Variants in CALN1 observed in about 807,000 individuals in gnomAD.
CALN1 encodes the protein calcium-binding protein 8.
CALN1 carries 17 observed loss-of-function variants against 30.6 expected under a neutral mutation model. The ratio of observed to expected loss-of-function variants is 0.56; its 90% confidence interval spans 0.38 to 0.83. The LOEUF (loss-of-function observed/expected upper bound fraction) is 0.83, where lower values mean the gene tolerates loss of function less well. CALN1 is among the 40% of genes least tolerant of loss of function. The probability of loss-of-function intolerance (pLI) is 0.00; values close to 1 mark genes in which losing one functional copy is unlikely to be tolerated. For missense variants in CALN1, 291 were observed against 354.9 expected, an observed-to-expected ratio of 0.82 and a Z score of 1.45; for synonymous variants, 156 against 131.4, an observed-to-expected ratio of 1.19 and a Z score of -1.28.
intron 3 of CALN1, among the ~76,000 whole-genome samples, chr7:72,215,453 G>A (rs1304681928): frequency 6.6e-6 from 1 of 152,008 alleles, no homozygotes; most frequent in Non-Finnish European, 1.5e-5. Flanking sequence ...AATTAGCCAG[G>A]TATGGTGGCG....
intron 1 of CALN1, among the ~76,000 whole-genome samples, chr7:72,445,347 C>A (rs1455471037): frequency 2.0e-5 from 3 of 152,114 alleles, no homozygotes; most frequent in African/African-American, 7.2e-5. Flanking sequence ...AAGGAACTCA[C>A]CCGGCTAACC....
At chr7:72,144,580 C>A (rs1326018967) in intron 3 of CALN1, among the ~76,000 whole-genome samples, 2 of 152,120 alleles carry the variant, frequency 1.3e-5, no homozygotes, top group Non-Finnish European at 2.9e-5. Context: ...AGAAAGTTAA[C>A]AAGGATATCC....
In CALN1 at chr7:71,783,408, G is replaced by A. The variant is rs888971733; in HGVS notation, c.*4367C>T. ...TTGGTGAAATGGTAAAAAATGTAAT[G>A]ACTATGGGCCTTTGGAGAAATAGTG... On this transcript the variant is annotated 3_prime_UTR_variant, in exon 7 of 7. Coordinates refer to ENST00000395275, the MANE Select transcript of CALN1 (RefSeq NM_031468.4). 11 of 152,204 alleles carry A rather than the reference G, an allele frequency of 7.2e-5. No homozygotes were observed. The highest frequency in any genetic ancestry group is 2.2e-4 in the African/African-American group (9 of 41,454). 9.4% of individuals were successfully genotyped at this position (152,204 alleles called of 1,614,324 possible).
At chr7:71,795,793 A>G (rs1421528037) in intron 6 of CALN1, among the ~76,000 whole-genome samples, 2 of 145,334 alleles carry the variant, frequency 1.4e-5, no homozygotes, top group Non-Finnish European at 3.0e-5. Context: ...AGCTGTATGT[A>G]GCATTTACCA....
intron 5 of CALN1, among the ~76,000 whole-genome samples, chr7:71,981,118 G>A (rs956852007): frequency 2.0e-5 from 3 of 152,146 alleles, no homozygotes; most frequent in South Asian, 2.1e-4. Flanking sequence ...ATATATATTA[G>A]TTTTTATCCA....
intron 3 of CALN1, among the ~76,000 whole-genome samples, chr7:72,118,055 G>T (rs528697831): frequency 6.6e-6 from 1 of 152,094 alleles, no homozygotes; most frequent in East Asian, 1.9e-4. Flanking sequence ...AGTGCTCAGG[G>T]CTGGTGGGCC....
At chr7:72,293,963 T>A (rs368749566) in intron 2 of CALN1, among the ~76,000 whole-genome samples, 2 of 152,208 alleles carry the variant, frequency 1.3e-5, no homozygotes, top group East Asian at 3.9e-4. Context: ...CCAGGCATCA[T>A]GGTGCACACC....
At chr7:72,000,455 A>G (rs1799468958) in intron 5 of CALN1, among the ~76,000 whole-genome samples, 1 of 152,124 alleles carries the variant, frequency 6.6e-6, no homozygotes, top group South Asian at 2.1e-4. Context: ...CTGGAAAACC[A>G]CAAACCCCTA....
At chr7:72,171,034 A>G (rs1478496642) in intron 3 of CALN1, among the ~76,000 whole-genome samples, 1 of 152,090 alleles carries the variant, frequency 6.6e-6, no homozygotes, top group Non-Finnish European at 1.5e-5. Context: ...GTGTATGCCT[A>G]TAGTCCCAAC....
At chr7:71,962,738 G>A (rs1338890720) in intron 5 of CALN1, among the ~76,000 whole-genome samples, 1 of 152,166 alleles carries the variant, frequency 6.6e-6, no homozygotes, top group Admixed American at 6.5e-5. Context: ...ATTGCTGAAA[G>A]CTTTAAACCA....
At chr7:72,470,867 G>T in the CALN1 span, among the ~76,000 whole-genome samples, 1 of 152,096 alleles carries the variant, frequency 6.6e-6, no homozygotes, top group Non-Finnish European at 1.5e-5. Flanking sequence ...GAAATTCCCC[G>T]ACATAGGTTG....
At chr7:71,983,731 C>A (rs1279029169) in intron 5 of CALN1, among the ~76,000 whole-genome samples, 1 of 152,078 alleles carries the variant, frequency 6.6e-6, no homozygotes, top group Admixed American at 6.6e-5. Context: ...GGGGTTTCGC[C>A]ATGTTGGCCA....
chr7:72,453,377 G>A, the CALN1 span, among the ~76,000 whole-genome samples: 1 of 152,216 alleles, frequency 6.6e-6, no homozygotes, highest in Non-Finnish European at 1.5e-5. Context: ...AAATTAAGGG[G>A]CAGGCTATTC....
intron 5 of CALN1, among the ~76,000 whole-genome samples, chr7:71,907,860 C>T (rs750400239): frequency 5.9e-5 from 9 of 152,170 alleles, no homozygotes; most frequent in Non-Finnish European, 8.8e-5. Flanking sequence ...ACTTGTCATG[C>T]GCTTATTTTG....
chr7:72,128,278 T>C (rs1808906532), intron 3 of CALN1, among the ~76,000 whole-genome samples: 1 of 152,202 alleles, frequency 6.6e-6, no homozygotes, highest in African/African-American at 2.4e-5. Context: ...GATTAGAAAT[T>C]GGTCTGTATG....
intron 2 of CALN1, among the ~76,000 whole-genome samples, chr7:72,309,965 C>G (rs1476925080): frequency 6.6e-6 from 1 of 152,168 alleles, no homozygotes. Context: ...ATTCTCTTCC[C>G]TGAGCACTGC....
At chr7:72,178,156 T>C (rs1299903543) in intron 3 of CALN1, among the ~76,000 whole-genome samples, 4 of 152,108 alleles carry the variant, frequency 2.6e-5, no homozygotes, top group Admixed American at 2.0e-4. Context: ...TAAGGCCCAA[T>C]GTGTATTGCA....
intron 4 of CALN1, among the ~76,000 whole-genome samples, chr7:72,025,796 T>C (rs536133568): frequency 2.6e-5 from 4 of 152,220 alleles, no homozygotes; most frequent in African/African-American, 9.6e-5. Flanking sequence ...CCTCTCAGAG[T>C]GCATTCACCT....
At chr7:72,177,136 G>A (rs1009222213) in intron 3 of CALN1, among the ~76,000 whole-genome samples, 5 of 152,136 alleles carry the variant, frequency 3.3e-5, no homozygotes, top group Non-Finnish European at 5.9e-5. Flanking sequence ...TGAGCTACAA[G>A]AGCTCATTCA....
Sources: allele counts gnomAD v4.1 joint callset (sites outside exome capture counted in the v4.1 genomes callset), GRCh38; gene constraint gnomAD v4.1.1; transcripts MANE v1.5; gene names NCBI Gene and HGNC (gene_info 2026-07-23, HGNC 2026-07-21).